PGK1: variants seen among roughly 807,000 people sequenced by gnomAD.
PGK1 encodes phosphoglycerate kinase 1, also known as PRP 2.
Under a neutral mutation model 26.9 loss-of-function variants are expected in PGK1, and 3 were observed. The observed-to-expected ratio is 0.11, with a 90% CI of 0.05 to 0.29. The LOEUF (loss-of-function observed/expected upper bound fraction) is 0.29. Among genes scored for constraint, PGK1 ranks in the 10% least tolerant of loss-of-function variants. The probability of loss-of-function intolerance (pLI) is 1.00; values close to 1 mark genes in which losing one functional copy is unlikely to be tolerated. For synonymous variants in PGK1, 125 were observed against 115.3 expected, an observed-to-expected ratio of 1.08 and a Z score of -0.54; for missense variants, 270 against 314.7, an observed-to-expected ratio of 0.86 and a Z score of 1.07.
chrX:78,110,066 T>C, intron 2 of PGK1, 149 bp downstream of exon 2: 1 of 488,773 alleles, frequency 2.0e-6, no homozygotes. Flanking sequence ...TGATCTGCTT[T>C]CTTATTTATG....
intron 6 of PGK1, among the ~76,000 whole-genome samples, chrX:78,121,687 T>C (rs1557248046): frequency 8.9e-6 from 1 of 112,551 alleles, no homozygotes; most frequent in African/African-American, 3.2e-5. Flanking sequence ...TTACTTTGTT[T>C]CTCTTTAGTT....
intron 4 of PGK1, among the ~76,000 whole-genome samples, chrX:78,114,940 C>A (rs1175845962): frequency 8.9e-6 from 1 of 112,095 alleles, no homozygotes; most frequent in Non-Finnish European, 1.9e-5. Context: ...TTAGTACTTT[C>A]CACTATTCTG....
At chrX:78,120,356 TAC>T (rs200090544) in intron 6 of PGK1, among the ~76,000 whole-genome samples, 5 of 106,883 alleles carry the variant, frequency 4.7e-5, no homozygotes, top group African/African-American at 1.4e-4. Context: ...CACATATATA[TAC>T]ACACACACAC....
At chrX:78,116,035 T>G (rs1241827946) in intron 4 of PGK1, among the ~76,000 whole-genome samples, 1 of 109,455 alleles carries the variant, frequency 9.1e-6, no homozygotes, top group Non-Finnish European at 1.9e-5. Flanking sequence ...TTTTTTTTTT[T>G]TCCTGGTAGA....
chrX:78,119,477 T>C (rs1309746955), intron 6 of PGK1, among the ~76,000 whole-genome samples: 1 of 111,561 alleles, frequency 9.0e-6, no homozygotes, highest in East Asian at 2.8e-4. Context: ...CAGGGTTTTT[T>C]CCCCCAGGGG....
At chrX:78,120,714 T>G (rs1557247952) in intron 6 of PGK1, among the ~76,000 whole-genome samples, 1 of 111,261 alleles carries the variant, frequency 9.0e-6, no homozygotes, top group Non-Finnish European at 1.9e-5. Context: ...CAGGCTGGTC[T>G]CGAACTCTGG....
rs941842078 is a variant in PGK1 at position 78,114,074 on chromosome X, C to G, written c.331C>G (p.Pro111Ala). The G allele has an allele frequency of 8.3e-7, 1 of 1,207,738 alleles. No homozygotes were observed. Among genetic ancestry groups the G allele is most frequent in the African/African-American group, 1.8e-5 (1 of 57,030 alleles). Reference sequence around the variant, plus strand: ...AGAAGTGGAGAAAGCCTGTGCCAACCCAGCTGCTGGGTCTGTCATCCTGCT... The same window carrying G: ...AGAAGTGGAGAAAGCCTGTGCCAACGCAGCTGCTGGGTCTGTCATCCTGCT... ...GPEVEKACAN[P>A]AAGSVILLEN... is the part of the protein sequence containing the mutation. The change falls in exon 4 of 11, where the codon CCA becomes GCA. Residue 111 changes from proline (P) to alanine (A), a missense_variant. By Grantham distance (27) the Pro-to-Ala change is conservative (BLOSUM62 -1). This residue lies in a region of PGK1 where 150 missense variants were observed against 154.6 expected (regional missense o/e 0.97). Transcript: ENST00000373316.
At chrX:78,104,915 C>T (rs782634876) in intron 1 of PGK1, among the ~76,000 whole-genome samples, 6 of 111,690 alleles carry the variant, frequency 5.4e-5, no homozygotes, top group Non-Finnish European at 7.5e-5. Flanking sequence ...GACCCCCCCG[C>T]CCCCCGCCAC....
rs1263427964 is a variant in PGK1, at chrX:78,127,177, G to A, written c.*1347G>A. 8.9e-6 allele frequency: 1 copy of A among 112,658 alleles called. No individual in the cohort carries two copies. The highest frequency in any genetic ancestry group is 1.9e-5 in the Non-Finnish European group (1 of 53,325). 9.3% of individuals were successfully genotyped at this position (112,658 alleles called of 1,213,427 possible). On this transcript the variant is annotated 3_prime_UTR_variant, in exon 11 of 11. Transcript: ENST00000373316. ...AAGACTCTACTAGCTTCCTGAGAAA[G>A]GGTGCCTGGGAGGCAAAATCTCTAA...
At position 78,113,880 on chromosome X, in the gene PGK1, C is replaced by T. The variant is rs1557247139; in HGVS notation, c.253C>T (p.Leu85Phe). Reference sequence around the variant, plus strand: ...CTCCTTAGAGCCAGTTGCTGTAGAACTCAAATCTCTGCTGGGCAAGTAAGT... The same window carrying T: ...CTCCTTAGAGCCAGTTGCTGTAGAATTCAAATCTCTGCTGGGCAAGTAAGT... Reference protein sequence around the residue: ...KYSLEPVAVELKSLLGKDVLF... With the variant: ...KYSLEPVAVEFKSLLGKDVLF... Residue 85 changes from leucine to phenylalanine, a missense_variant, in exon 3 of 11, where the codon CTC becomes TTC. Around this residue, in one of 3 missense-constraint regions of PGK1, gnomAD observed 150 missense variants for 154.6 expected, o/e 0.97. Coordinates refer to ENST00000373316, the MANE Select transcript of PGK1 (RefSeq NM_000291.4). 3 of 1,211,552 alleles carry T rather than the reference C, an allele frequency of 2.5e-6. No individual in the cohort carries two copies. Among genetic ancestry groups the T allele is most frequent in the African/African-American group, 1.7e-5 (1 of 57,831 alleles).
At chrX:78,119,392 C>T (rs140536821) in intron 6 of PGK1, among the ~76,000 whole-genome samples, 176 of 111,454 alleles carry the variant, frequency 1.6e-3, no homozygotes, top group African/African-American at 5.5e-3. Context: ...TTGGATAAGA[C>T]AATTTCCTGT....
chrX:78,124,928 G>C lies in PGK1; in HGVS notation c.991G>C (p.Ala331Pro), dbSNP rs1557248477. 4 of 1,206,879 alleles carry C rather than the reference G, an allele frequency of 3.3e-6. No individual in the cohort carries two copies. The Admixed American group carries it at 8.8e-5, about 26-fold the overall frequency. Residue 331 changes from alanine to proline, a missense_variant, in exon 9 of 11, where the codon GCT becomes CCT. Around this residue, in one of 3 missense-constraint regions of PGK1, gnomAD observed 103 missense variants for 114.6 expected, o/e 0.90. Transcript: ENST00000373316. ...GAAGTATGCTGAGGCTGTCACTCGG[G>C]CTAAGCAGATTGTGTGGAATGGTCC... is the stretch of plus-strand genomic sequence containing the variant. ...SKKYAEAVTRAKQIVWNGPVG... is the reference protein window; with the variant it reads ...SKKYAEAVTRPKQIVWNGPVG...
chrX:78,115,333 C>G (rs1557247355), intron 4 of PGK1, among the ~76,000 whole-genome samples: 1 of 111,090 alleles, frequency 9.0e-6, no homozygotes, highest in Non-Finnish European at 1.9e-5. Flanking sequence ...CCTGAAATTT[C>G]AGGAGTCAGT....
Position 78,104,375 on chromosome X carries a change from T to C in PGK1, c.35T>C (p.Leu12Pro). The C allele has an allele frequency of 8.3e-7, 1 of 1,207,258 alleles. No individual in the cohort carries two copies. The highest frequency in any genetic ancestry group is 1.1e-6 in the Non-Finnish European group (1 of 890,987). The change falls in exon 1 of 11, where the codon CTG becomes CCG. Residue 12 changes from leucine (L) to proline (P), a missense_variant. Leu to Pro is a moderately conservative substitution (Grantham distance 98). Coordinates refer to ENST00000373316, the MANE Select transcript of PGK1 (RefSeq NM_000291.4). ...SLSNKLTLDK[L>P]DVKGKRVVMR... ...TCTAACAAGCTGACGCTGGACAAGC[T>C]GGACGTTAAAGGGAAGCGGGTCGTT... is the stretch of plus-strand genomic sequence containing the variant.
intron 1 of PGK1, among the ~76,000 whole-genome samples, chrX:78,107,397 C>T (rs782358530): frequency 9.0e-6 from 1 of 110,950 alleles, no homozygotes; most frequent in African/African-American, 3.3e-5. Flanking sequence ...TAATAATAAC[C>T]ACCCCCCTTC....
chrX:78,121,402 ATGTGTGTGTGTG>A (rs782769996), intron 6 of PGK1, among the ~76,000 whole-genome samples: 4 of 107,885 alleles, frequency 3.7e-5, no homozygotes, highest in Admixed American at 2.0e-4. Flanking sequence ...TTGTGTGTGT[ATGTGTGTGTGTG>A]TGTGTGTGTG....
chrX:78,117,542 A>C, intron 5 of PGK1, 127 bp downstream of exon 5: 4 of 525,230 alleles, frequency 7.6e-6, no homozygotes, highest in Non-Finnish European at 3.4e-6. Context: ...TCTAATTGGA[A>C]CTGCCACTAT....
Position 78,124,907 on chromosome X carries a change from T to G in PGK1, c.970T>G (p.Tyr324Asp), listed in dbSNP as rs1481920266. 1 of 1,207,031 alleles carries G rather than the reference T, an allele frequency of 8.3e-7. No homozygotes were observed. Among genetic ancestry groups the G allele is most frequent in the African/African-American group, 1.8e-5 (1 of 56,850 alleles). The change falls in exon 9 of 11, where the codon TAT (tyrosine) becomes GAT (aspartate). Residue 324 changes from tyrosine to aspartate, a missense_variant. Transcript: ENST00000373316. Reference sequence around the variant, plus strand: ...CTGTGGTCCTGAAAGCAGCAAGAAGTATGCTGAGGCTGTCACTCGGGCTAA... The same window carrying G: ...CTGTGGTCCTGAAAGCAGCAAGAAGGATGCTGAGGCTGTCACTCGGGCTAA... Reference protein sequence around the residue: ...LDCGPESSKKYAEAVTRAKQI... With the variant: ...LDCGPESSKKDAEAVTRAKQI...
At chrX:78,105,684 G>T (rs1302040322) in intron 1 of PGK1, among the ~76,000 whole-genome samples, 2 of 111,422 alleles carry the variant, frequency 1.8e-5, no homozygotes, top group Non-Finnish European at 3.8e-5. Context: ...ATTTCACTTT[G>T]GTCAATATTT....
Sources: gnomAD v4.1 joint callset for allele counts (sites outside exome capture counted in the v4.1 genomes callset) on GRCh38, gnomAD v4.1.1 for gene constraint, gnomAD v4.1.1 regional missense constraint, MANE v1.5 for transcripts, NCBI Gene and HGNC (gene_info 2026-07-23, HGNC 2026-07-21) for gene names.